The following USP40 variants were observed in gnomAD, a reference collection of about 807,000 sequenced individuals.
USP40 encodes ubiquitin specific peptidase 40.
USP40 carries 143 observed loss-of-function variants against 166.2 expected under a neutral mutation model. The ratio of observed to expected loss-of-function variants is 0.86; its 90% confidence interval spans 0.75 to 0.99. The LOEUF is 0.99. Ranked by LOEUF, USP40 falls within the 50% of genes least tolerant of loss-of-function variation. The pLI is 0.00. For synonymous variants in USP40, 498 were observed against 524.0 expected (o/e 0.95, Z 0.68); for missense variants, 1,444 against 1,479.7 (o/e 0.98, Z 0.40).
intron 18 of USP40, among the ~76,000 whole-genome samples, chr2:233,518,222 A>G (rs936498895): frequency 1.4e-5 from 2 of 142,698 alleles, no homozygotes; most frequent in African/African-American, 5.2e-5. Flanking sequence ...TTTTTTTTTA[A>G]AAGTCAAAAC....
At chr2:233,533,133 G>A (rs1575305655) in intron 11 of USP40, among the ~76,000 whole-genome samples, 1 of 152,024 alleles carries the variant, frequency 6.6e-6, no homozygotes, top group Non-Finnish European at 1.5e-5. Flanking sequence ...AAAATTCAAA[G>A]GCAACATATG....
At position 233,533,710 on chromosome 2, in the gene USP40, T is replaced by C. The variant is rs779909920; in HGVS notation, c.1240A>G (p.Ser414Gly). 1.2e-6 allele frequency: 2 copies of C among 1,613,352 alleles called. No homozygotes were observed. The highest frequency in any genetic ancestry group is 2.7e-5 in the African/African-American group (2 of 74,882). Residue 414 changes from serine to glycine, a missense_variant, in exon 11 of 32, where the codon AGT becomes GGT. Physicochemically the swap from Ser to Gly is moderately conservative, Grantham distance 56 (BLOSUM62 0). Transcript: ENST00000678225. ...AAATCAGACTCAGCCTGGAGAGAAC[T>C]ATTCTTCAAGAGACGAACTGTACTT... Reference protein sequence around the residue: ...DESTVRLLKNSSLQAESDFQR... With the variant: ...DESTVRLLKNGSLQAESDFQR...
At chr2:233,536,865 T>C (rs2068972425) in intron 10 of USP40, among the ~76,000 whole-genome samples, 1 of 152,088 alleles carries the variant, frequency 6.6e-6, no homozygotes, top group Non-Finnish European at 1.5e-5. Context: ...ATAGCATTTA[T>C]ATTGTATTAG....
chr2:233,529,747 A>G (rs764113317), intron 11 of USP40, among the ~76,000 whole-genome samples: 18 of 151,336 alleles, frequency 1.2e-4, no homozygotes, highest in Non-Finnish European at 2.5e-4. Context: ...CATTTTTTCA[A>G]CTCTTTTAAG....
At position 233,486,703 on chromosome 2, in the gene USP40, G is replaced by A. The variant is rs575688956; in HGVS notation, c.3198-726C>T. 5.9e-5 allele frequency among the ~76,000 whole-genome samples: 9 copies of A among 152,290 alleles called. No homozygotes were observed. Among genetic ancestry groups the A allele is most frequent in the Non-Finnish European group, 8.8e-5 (6 of 68,024 alleles). The stretch of plus-strand genomic sequence containing the variant: ...TGTTTTTACCATCAAAAGAGGTCAC[G>A]CAATGAGAAATGAAATGACTGGAAG... On this transcript the variant is annotated intron_variant, in intron 28 of 31. Transcript: ENST00000678225. This position sits in a 1 kb window ranked among gnomAD's most constrained non-coding sequence, Gnocchi z 4.0.
chr2:233,509,449 T>C (rs77383357), intron 21 of USP40, among the ~76,000 whole-genome samples: 4,677 of 152,228 alleles, frequency 0.031, 224 homozygotes, highest in African/African-American at 0.11. Context: ...TAATGATAGG[T>C]TTTCATTTTT....
chr2:233,493,383 CTT>C lies in USP40; in HGVS notation c.2917+40_2917+41del, dbSNP rs371854716. On this transcript the variant is annotated intron_variant, in intron 25 of 31. Transcript: ENST00000678225. The surrounding 1 kb of genome is among the most constrained non-coding windows in gnomAD (Gnocchi z 4.7). ...GAGCACAGGCAGTCAATTTACTTCT[CTT>C]TATGATGCACTGGCTGCTGAAATCC... The C allele has an allele frequency of 6.2e-7, 1 of 1,613,760 alleles. No individual in the cohort carries two copies.
intron 8 of USP40, among the ~76,000 whole-genome samples, chr2:233,547,199 A>G (rs1035632890): frequency 2.0e-5 from 3 of 152,236 alleles, no homozygotes; most frequent in African/African-American, 4.8e-5. Flanking sequence ...AATATTTTAT[A>G]TATTTTGGTA....
At chr2:233,524,072 G>A (rs1044465976) in intron 15 of USP40, among the ~76,000 whole-genome samples, 37 of 152,260 alleles carry the variant, frequency 2.4e-4, no homozygotes, top group African/African-American at 8.7e-4. Context: ...CATTTATCAA[G>A]CATTTCAGTA....
intron 18 of USP40, among the ~76,000 whole-genome samples, chr2:233,517,781 G>GGTGTGTGTGTGTGT (rs111938537): frequency 4.2e-4 from 60 of 142,250 alleles, no homozygotes; most frequent in African/African-American, 1.4e-3. Context: ...AAGAAACTGT[G>GGTGTGTGTGTGTGT]GTGTGTGTGT....
intron 19 of USP40, chr2:233,512,036 C>T (rs2066877333): frequency 2.8e-6 from 1 of 362,872 alleles, no homozygotes; most frequent in Admixed American, 4.5e-5. Flanking sequence ...CTATGAAAGT[C>T]TAGTTTCCTA....
intron 10 of USP40, among the ~76,000 whole-genome samples, chr2:233,535,954 T>C (rs1166013599): frequency 2.0e-5 from 3 of 152,242 alleles, no homozygotes; most frequent in Non-Finnish European, 4.4e-5. Flanking sequence ...TTTTTCTGTA[T>C]TGTATTTGCA....
At chr2:233,478,815 A>G (rs978562331) in intron 31 of USP40, among the ~76,000 whole-genome samples, 1 of 151,908 alleles carries the variant, frequency 6.6e-6, no homozygotes, top group Non-Finnish European at 1.5e-5. Context: ...AGTTCTGGTC[A>G]AAAGAGAAAG....
At chr2:233,496,935 AT>A (rs1354233362) in intron 23 of USP40, 103 bp from the exon 24 acceptor site, 1 of 777,310 alleles carries the variant, frequency 1.3e-6, no homozygotes, top group Non-Finnish European at 2.1e-6. Flanking sequence ...CAAAAATTAA[AT>A]GAATAATAAA....
chr2:233,485,448 TGAA>T (rs2064882292), intron 30 of USP40, 80 bp downstream of exon 30: 5 of 1,077,392 alleles, frequency 4.6e-6, no homozygotes, highest in Admixed American at 4.7e-5. Flanking sequence ...ATCTGTGTCT[TGAA>T]GATTCAATAA....
chr2:233,521,253 T>C, intron 16 of USP40, 139 bp from the exon 17 acceptor site: 2 of 898,336 alleles, frequency 2.2e-6, no homozygotes, highest in Non-Finnish European at 3.2e-6. Context: ...TGGGCTACCT[T>C]TGCAGGGTAA....
intron 30 of USP40, among the ~76,000 whole-genome samples, chr2:233,484,026 A>G (rs1222052850): frequency 5.3e-5 from 8 of 152,084 alleles, no homozygotes; most frequent in Non-Finnish European, 8.8e-5. Context: ...CCGTGCCTCC[A>G]TGCTGCACTG....
intron 6 of USP40, among the ~76,000 whole-genome samples, chr2:233,552,420 A>C (rs2070661798): frequency 6.6e-6 from 1 of 152,192 alleles, no homozygotes; most frequent in Non-Finnish European, 1.5e-5. Context: ...CAATGCATAG[A>C]ATAGAATATA....
chr2:233,512,404 G>T, intron 19 of USP40, 165 bp downstream of exon 19: 1 of 385,938 alleles, frequency 2.6e-6, no homozygotes, highest in African/African-American at 2.1e-5. Flanking sequence ...GTTTGTTTCT[G>T]GTTAAGGATT....
Sources: allele counts gnomAD v4.1 joint callset (sites outside exome capture counted in the v4.1 genomes callset), GRCh38; gene constraint gnomAD v4.1.1; non-coding constraint Gnocchi (gnomAD v3.1); transcripts MANE v1.5; gene names NCBI Gene and HGNC (gene_info 2026-07-23, HGNC 2026-07-21).